Variants in CACNA1A observed in about 807,000 individuals in gnomAD.
CACNA1A encodes the protein voltage-dependent P/Q-type calcium channel subunit alpha-1A.
In CACNA1A, 57 loss-of-function variants were observed where a neutral mutation model predicts 262.4. The observed-to-expected ratio is 0.22, with a 90% confidence interval of 0.18 to 0.27. The LOEUF is 0.27. CACNA1A is among the 10% of genes least tolerant of loss of function. The pLI, the probability that CACNA1A is intolerant of heterozygous loss-of-function variation, is 1.00. For missense variants in CACNA1A, 2,526 were observed against 3,562.8 expected, an observed-to-expected ratio of 0.71 and a Z score of 7.41; for synonymous variants, 1,431 against 1,419.3, an observed-to-expected ratio of 1.01 and a Z score of -0.18.
At chr19:13,444,999 G>A (rs946369651) in intron 3 of CACNA1A, among the ~76,000 whole-genome samples, 1 of 152,000 alleles carries the variant, frequency 6.6e-6, no homozygotes, top group African/African-American at 2.4e-5. Context: ...AATTACCCGG[G>A]CTTGGTGGTA....
chr19:13,416,759 G>A (rs1352655637), intron 3 of CACNA1A, among the ~76,000 whole-genome samples: 7 of 152,108 alleles, frequency 4.6e-5, no homozygotes, highest in Non-Finnish European at 1.0e-4. Flanking sequence ...AGGTGGCAGT[G>A]AGCTGAGATC....
At chr19:13,422,068 G>A (rs2060325028) in intron 3 of CACNA1A, among the ~76,000 whole-genome samples, 1 of 152,178 alleles carries the variant, frequency 6.6e-6, no homozygotes, top group Middle Eastern at 3.2e-3. Flanking sequence ...CCCCTGTAAT[G>A]CCAATACTTT....
Position 13,374,590 on chromosome 19 carries a change from C to T in CACNA1A, c.540-2811G>A, listed in dbSNP as rs140667847. Among the ~76,000 whole-genome samples, 514 of 152,166 alleles carry T rather than the reference C, an allele frequency of 3.4e-3. 2 individuals carry two copies. The highest frequency in any genetic ancestry group is 0.012 in the African/African-American group (489 of 41,540). On this transcript the variant is annotated intron_variant, in intron 3 of 46. Transcript: ENST00000360228. ...TTGATTTACTTTATTTTTCTCTTCT[C>T]CTCCCAGCTTTCTGGTACTAATTTG...
At position 13,208,935 on chromosome 19, in the gene CACNA1A, G is replaced by T; in HGVS notation, c.6601C>A (p.Arg2201=). Residue 2201 remains arginine (R), a synonymous_variant, in exon 46 of 47, where the codon CGG becomes AGG. Transcript: ENST00000360228. ...TGTCGATGCTTCCGATCCTTGGGCC[G>T]GCCCCGCTCCTGGTCCCGCTCCTTC... ...PSKERDQERG[R]PKDRKHRQHH... The T allele has an allele frequency of 2.0e-6, 3 of 1,537,510 alleles. No homozygotes were observed. Among genetic ancestry groups the T allele is most frequent in the Non-Finnish European group, 1.7e-6 (2 of 1,146,884 alleles).
At chr19:13,289,482 G>A (rs1188250425) in intron 19 of CACNA1A, among the ~76,000 whole-genome samples, 2 of 152,126 alleles carry the variant, frequency 1.3e-5, no homozygotes, top group African/African-American at 2.4e-5. Flanking sequence ...GCAACCCTGT[G>A]TGATTTGCTT....
At chr19:13,441,003 G>T (rs2060709284) in intron 3 of CACNA1A, among the ~76,000 whole-genome samples, 1 of 152,058 alleles carries the variant, frequency 6.6e-6, no homozygotes, top group Non-Finnish European at 1.5e-5. Flanking sequence ...TGTAGAGATG[G>T]AGTTTCACCA....
intron 3 of CACNA1A, among the ~76,000 whole-genome samples, chr19:13,415,578 TG>T (rs2060205295): frequency 6.6e-6 from 1 of 151,144 alleles, no homozygotes; most frequent in Non-Finnish European, 1.5e-5. Context: ...CGGTCTCTAC[TG>T]AAAACACAAA....
intron 3 of CACNA1A, among the ~76,000 whole-genome samples, chr19:13,395,273 C>CAAAAAAAAAAA (rs58840618): frequency 1.1e-5 from 1 of 88,896 alleles, no homozygotes. Flanking sequence ...GACTCCATCT[C>CAAAAAAAAAAA]AAAAAAAAAA....
intron 4 of CACNA1A, among the ~76,000 whole-genome samples, chr19:13,367,359 AG>A (rs2059233708): frequency 6.6e-6 from 1 of 151,332 alleles, no homozygotes; most frequent in Admixed American, 6.6e-5. Context: ...TCTGAAATGA[AG>A]CCCCATGTTT....
At chr19:13,487,788 C>T (rs557751709) in intron 1 of CACNA1A, among the ~76,000 whole-genome samples, 3 of 152,094 alleles carry the variant, frequency 2.0e-5, no homozygotes, top group African/African-American at 4.8e-5. Flanking sequence ...CAATCCAAGG[C>T]ACTCGCTCAG....
chr19:13,263,124 G>A (rs1422933667), intron 24 of CACNA1A: 1 of 363,040 alleles, frequency 2.8e-6, no homozygotes, highest in Non-Finnish European at 5.2e-6. Context: ...CTGAGACCCA[G>A]CACAAGGGGG....
chr19:13,226,505 G>A (rs1316280444), intron 37 of CACNA1A: 1 of 152,354 alleles, frequency 6.6e-6, no homozygotes, highest in Non-Finnish European at 1.5e-5. Context: ...GGATGATGGG[G>A]TAATACTTTT....
intron 30 of CACNA1A, among the ~76,000 whole-genome samples, chr19:13,251,518 T>A (rs190876514): frequency 5.3e-5 from 8 of 152,108 alleles, no homozygotes; most frequent in Non-Finnish European, 1.2e-4. Context: ...AAACACTGAG[T>A]AACAAATTCT....
chr19:13,330,153 G>A (rs896783902), intron 10 of CACNA1A, 91 bp downstream of exon 10: 7 of 846,616 alleles, frequency 8.3e-6, no homozygotes, highest in Non-Finnish European at 1.3e-5. Context: ...AATCCAGGCA[G>A]CACGGTTTGC....
Position 13,479,099 on chromosome 19 carries a change from G to A in CACNA1A, c.294-23887C>T, listed in dbSNP as rs145689036. Among the ~76,000 whole-genome samples the A allele has an allele frequency of 2.1e-3, 324 of 152,282 alleles. 4 individuals are homozygous for A. Among genetic ancestry groups the A allele is most frequent in the African/African-American group, 7.6e-3 (316 of 41,566 alleles). On this transcript the variant is annotated intron_variant, in intron 1 of 46. Transcript: ENST00000360228. ...TGAGGCAGGAGACTCACTTGAATCCGGGAGGTGGAGGTTGCAGTGAGCCCA... is the reference window on the plus strand; with the variant it reads ...TGAGGCAGGAGACTCACTTGAATCCAGGAGGTGGAGGTTGCAGTGAGCCCA...
chr19:13,415,269 G>C (rs568299236), intron 3 of CACNA1A, among the ~76,000 whole-genome samples: 2 of 151,988 alleles, frequency 1.3e-5, no homozygotes, highest in South Asian at 2.1e-4. Flanking sequence ...ACAAGGAAAC[G>C]TGCGGAAGGA....
Position 13,259,701 on chromosome 19 carries a change from T to A in CACNA1A, c.4251A>T (p.Arg1417=). 6.2e-7 allele frequency: 1 copy of A among 1,611,126 alleles called. No homozygotes were observed. Among genetic ancestry groups the A allele is most frequent in the Middle Eastern group, 1.7e-4 (1 of 6,060 alleles). ...TCTTCTCGTAGAGGAGGTATTTGCC[T>A]CTGCCACAGAGAGTGGGGACTGTTA... ...DESKEFEKDC[R]GKYLLYEKNE... The change falls in exon 27 of 47, where the codon CGA becomes CGT. Residue 1417 remains arginine (R), a splice_region_variant and synonymous_variant. Transcript: ENST00000360228.
chr19:13,466,528 T>C (rs1020510338), intron 1 of CACNA1A, among the ~76,000 whole-genome samples: 1 of 151,732 alleles, frequency 6.6e-6, no homozygotes, highest in African/African-American at 2.4e-5. Context: ...TTTAGTAGAG[T>C]TGGGGTTTCA....
chr19:13,245,145 CCA>C, intron 31 of CACNA1A, 35 bp downstream of exon 31: 1 of 1,552,106 alleles, frequency 6.4e-7, no homozygotes, highest in Non-Finnish European at 8.9e-7. Flanking sequence ...CTCGTCCAGC[CCA>C]GAGTCACCCA....
Sources: gnomAD v4.1 joint callset for allele counts (sites outside exome capture counted in the v4.1 genomes callset) on GRCh38, gnomAD v4.1.1 for gene constraint, MANE v1.5 for transcripts, NCBI Gene and HGNC (gene_info 2026-07-23, HGNC 2026-07-21) for gene names.